Variants in NGLY1 observed in about 807,000 individuals in gnomAD.
The protein encoded by NGLY1 is peptide-N(4)-(N-acetyl-beta-glucosaminyl)asparagine amidase.
NGLY1 carries 68 observed loss-of-function variants against 84.6 expected under a neutral mutation model. The ratio of observed to expected loss-of-function variants is 0.80; its 90% CI spans 0.66 to 0.98. The LOEUF (loss-of-function observed/expected upper bound fraction) is 0.98, where lower values mean the gene tolerates loss of function less well. Among genes scored for constraint, NGLY1 ranks in the 50% least tolerant of loss-of-function variants. The pLI is 0.00. For missense variants in NGLY1, 779 were observed against 770.2 expected, an observed-to-expected ratio of 1.01 and a Z score of -0.14; for synonymous variants, 280 against 275.2, an observed-to-expected ratio of 1.02 and a Z score of -0.17.
At chr3:25,749,958 A>G (rs75598217) in intron 4 of NGLY1, 6 of 612,630 alleles carry the variant, frequency 9.8e-6, no homozygotes, top group Non-Finnish European at 1.7e-5. Context: ...AAAAAAAAAA[A>G]AAGAAGGAAA....
At chr3:25,742,194 C>G (rs751716142) in intron 4 of NGLY1, among the ~76,000 whole-genome samples, 3 of 152,232 alleles carry the variant, frequency 2.0e-5, no homozygotes, top group Middle Eastern at 3.4e-3. Flanking sequence ...AAAAGTATTA[C>G]ACACACTTGA....
At chr3:25,749,469 C>A in intron 4 of NGLY1, 1 of 1,363,852 alleles carries the variant, frequency 7.3e-7, no homozygotes, top group Non-Finnish European at 1.0e-6. Flanking sequence ...GAGGTGGCAG[C>A]CATCTCCTCT....
chr3:25,732,526 A>G (rs772506281), intron 8 of NGLY1, 43 bp from the exon 9 acceptor site: 1 of 1,512,238 alleles, frequency 6.6e-7, no homozygotes, highest in South Asian at 1.2e-5. Context: ...GATTAGGGGA[A>G]TGTATAGGTC....
At chr3:25,747,607 T>C (rs1353094758) in intron 4 of NGLY1, among the ~76,000 whole-genome samples, 1 of 152,206 alleles carries the variant, frequency 6.6e-6, no homozygotes, top group Non-Finnish European at 1.5e-5. Context: ...TCTGGTTTCA[T>C]CTTCCAGTTT....
At chr3:25,755,397 C>T (rs1706988676) in intron 3 of NGLY1, 1 of 1,407,536 alleles carries the variant, frequency 7.1e-7, no homozygotes, top group Non-Finnish European at 1.0e-6. Context: ...ACCACTCCTA[C>T]TATAGTGACC....
At chr3:25,735,858 T>A in intron 7 of NGLY1, 146 bp downstream of exon 7, 1 of 701,574 alleles carries the variant, frequency 1.4e-6, no homozygotes, top group Non-Finnish European at 2.2e-6. Flanking sequence ...CAGTGATGAT[T>A]TCAGTGTATA....
At chr3:25,750,555 T>G (rs1706680993) in intron 4 of NGLY1, among the ~76,000 whole-genome samples, 1 of 152,128 alleles carries the variant, frequency 6.6e-6, no homozygotes, top group Non-Finnish European at 1.5e-5. Flanking sequence ...TAGATGGTGG[T>G]AATGGCTGAA....
chr3:25,783,127 C>A lies in NGLY1; in HGVS notation c.131+133G>T, dbSNP rs1056286322. 2 of 807,820 alleles carry A rather than the reference C, an allele frequency of 2.5e-6. No individual in the cohort carries two copies. The highest frequency in any genetic ancestry group is 3.8e-6 in the Non-Finnish European group (2 of 525,546). 50.0% of individuals were successfully genotyped at this position (807,820 alleles called of 1,614,324 possible). A position where few individuals can be genotyped will look rare whatever the true frequency, so the allele number is the denominator to read the frequency against. On this transcript the variant is annotated intron_variant, in intron 1 of 11. Coordinates refer to ENST00000280700, the MANE Select transcript of NGLY1 (RefSeq NM_018297.4). The surrounding 1 kb of genome is among the most constrained non-coding windows in gnomAD (Gnocchi z 4.5). Reference sequence around the variant, plus strand: ...GCGGGCTCGGACGTTAGGAGCAGAACCAGCTCCAGGTCCCGGTCTGTCCGG... The same window carrying A: ...GCGGGCTCGGACGTTAGGAGCAGAAACAGCTCCAGGTCCCGGTCTGTCCGG...
intron 2 of NGLY1, among the ~76,000 whole-genome samples, chr3:25,766,206 C>T (rs1707563624): frequency 6.6e-6 from 1 of 151,906 alleles, no homozygotes; most frequent in Non-Finnish European, 1.5e-5. Context: ...GCTGGGATTA[C>T]AGGCATGCGC....
At chr3:25,732,604 T>C (rs900192738) in intron 8 of NGLY1, 121 bp from the exon 9 acceptor site, 1 of 609,394 alleles carries the variant, frequency 1.6e-6, no homozygotes, top group African/African-American at 1.9e-5. Flanking sequence ...TACTGAATTT[T>C]ATTTTCAAAC....
At chr3:25,721,279 C>T (rs1178757380) in intron 10 of NGLY1, among the ~76,000 whole-genome samples, 1 of 152,130 alleles carries the variant, frequency 6.6e-6, no homozygotes, top group Non-Finnish European at 1.5e-5. Context: ...GTTGCCCAGG[C>T]TGGTCTTGAA....
rs1354238828 is a variant in NGLY1, at chr3:25,720,127, G to A, written c.1676C>T (p.Ser559Leu). The A allele has an allele frequency of 1.4e-5, 22 of 1,613,658 alleles. No individual in the cohort carries two copies. Among genetic ancestry groups the A allele is most frequent in the Non-Finnish European group, 1.7e-5 (20 of 1,179,766 alleles). Residue 559 changes from serine (S) to leucine (L), a missense_variant, in exon 11 of 12, where the codon TCA (serine) becomes TTA (leucine). Ser to Leu is a moderately radical substitution (Grantham distance 145). Transcript: ENST00000280700. ...AATGCTATCTACTTTTAGGCCAACT[G>A]ACCCACACTCAAACTTCCAGGAAAT... is the stretch of plus-strand genomic sequence containing the variant. ...AYISWKFECG[S>L]VGLKVDSISI...
chr3:25,764,285 T>C lies in NGLY1; in HGVS notation c.273A>G (p.Lys91=). 6.2e-7 allele frequency: 1 copy of C among 1,614,074 alleles called. No individual in the cohort carries two copies. Among genetic ancestry groups the C allele is most frequent in the Non-Finnish European group, 8.5e-7 (1 of 1,179,986 alleles). Residue 91 remains lysine (K), a synonymous_variant, in exon 3 of 12, where the codon AAA becomes AAG. Coordinates refer to ENST00000280700, the MANE Select transcript of NGLY1 (RefSeq NM_018297.4). The part of the protein sequence containing the change: ...EEGETHLIFP[K]KASVEQLQKI... ...TTTGCAGCTGCTCCACTGAAGCTTT[T>C]TTAGGAAAGATGAGATGTGTTTCTC...
intron 2 of NGLY1, among the ~76,000 whole-genome samples, chr3:25,768,999 G>A (rs1236123804): frequency 1.3e-5 from 2 of 151,964 alleles, no homozygotes; most frequent in African/African-American, 4.8e-5. Context: ...AAATGACAAG[G>A]GATTAAGAAC....
At chr3:25,725,563 T>C (rs1705209739) in intron 10 of NGLY1, among the ~76,000 whole-genome samples, 2 of 150,892 alleles carry the variant, frequency 1.3e-5, no homozygotes, top group South Asian at 4.2e-4. Flanking sequence ...GAGGGGAGAG[T>C]CTTGGGGACT....
chr3:25,745,816 TTTCAA>T (rs1277813037), intron 4 of NGLY1, among the ~76,000 whole-genome samples: 1 of 152,208 alleles, frequency 6.6e-6, no homozygotes, highest in African/African-American at 2.4e-5. Context: ...TCACTCAGAG[TTTCAA>T]TAGTCAATCC....
At chr3:25,769,909 G>C (rs1469751260) in intron 2 of NGLY1, among the ~76,000 whole-genome samples, 1 of 152,030 alleles carries the variant, frequency 6.6e-6, no homozygotes, top group African/African-American at 2.4e-5. Context: ...TCAACTAAAA[G>C]TATAGTCTTT....
chr3:25,752,643 TAA>T (rs745704602), intron 3 of NGLY1, among the ~76,000 whole-genome samples: 13 of 135,658 alleles, frequency 9.6e-5, no homozygotes, highest in Non-Finnish European at 8.0e-5. Context: ...TCCTATCTCT[TAA>T]AAAAAAAAAA....
intron 4 of NGLY1, chr3:25,749,433 C>A (rs1264650991): frequency 3.0e-6 from 3 of 990,288 alleles, no homozygotes; most frequent in African/African-American, 1.6e-5. Flanking sequence ...AGGAAGGAAG[C>A]TCTCTCCTCC....
Sources: gnomAD v4.1 joint callset for allele counts (sites outside exome capture counted in the v4.1 genomes callset) on GRCh38, gnomAD v4.1.1 for gene constraint, Gnocchi (gnomAD v3.1) non-coding constraint, MANE v1.5 for transcripts, NCBI Gene and HGNC (gene_info 2026-07-23, HGNC 2026-07-21) for gene names.